The following COMMD1 variants were observed in gnomAD, a reference collection of about 807,000 sequenced individuals.
COMMD1 encodes the protein copper metabolism domain containing 1.
COMMD1 carries 10 observed loss-of-function variants against 17.2 expected under a neutral mutation model. The ratio of observed to expected loss-of-function variants is 0.58; its 90% confidence interval spans 0.36 to 0.99. The LOEUF (loss-of-function observed/expected upper bound fraction) is 0.99. Ranked by LOEUF, COMMD1 falls within the 50% of genes least tolerant of loss-of-function variation. COMMD1 has a pLI of 0.01. For missense variants in COMMD1, 270 were observed against 231.8 expected (o/e 1.17, Z -1.07); for synonymous variants, 97 against 91.6 (o/e 1.06, Z -0.34).
At chr2:61,967,138 A>G (rs1201847385) in intron 1 of COMMD1, among the ~76,000 whole-genome samples, 1 of 152,168 alleles carries the variant, frequency 6.6e-6, no homozygotes, top group East Asian at 1.9e-4. Context: ...CGAATATTTT[A>G]ACTTTCAAAT....
chr2:61,938,408 A>C (rs1185878456), intron 1 of COMMD1, among the ~76,000 whole-genome samples: 1 of 152,130 alleles, frequency 6.6e-6, no homozygotes, highest in Non-Finnish European at 1.5e-5. Flanking sequence ...CCAAAGGATA[A>C]GGAAAGCCCT....
At chr2:62,042,406 C>T (rs889124813) in intron 2 of COMMD1, among the ~76,000 whole-genome samples, 4 of 152,224 alleles carry the variant, frequency 2.6e-5, no homozygotes, top group South Asian at 2.1e-4. Flanking sequence ...GAAGCCCAGC[C>T]GGCTTTACCT....
chr2:62,059,968 C>T (rs1670812839), intron 2 of COMMD1, among the ~76,000 whole-genome samples: 1 of 151,868 alleles, frequency 6.6e-6, no homozygotes. Flanking sequence ...ATTTTAATTT[C>T]TCTCTTGGGT....
At chr2:62,031,601 C>T (rs1270449277) in intron 2 of COMMD1, among the ~76,000 whole-genome samples, 2 of 152,156 alleles carry the variant, frequency 1.3e-5, no homozygotes, top group Non-Finnish European at 2.9e-5. Context: ...GCCAGGGTAT[C>T]TGTCATCTTA....
intron 1 of COMMD1, 74 bp downstream of exon 1, chr2:61,905,932 G>A: frequency 1.4e-6 from 2 of 1,455,266 alleles, no homozygotes; most frequent in South Asian, 1.2e-5. Flanking sequence ...TCCCCCCCTT[G>A]CCTTCCCCTG....
intron 2 of COMMD1, chr2:62,069,796 C>T (rs1671151717): frequency 1.3e-5 from 2 of 152,172 alleles, no homozygotes; most frequent in South Asian, 4.1e-4. Context: ...AAAATTATCA[C>T]TTGTGGCTGA....
chr2:61,983,346 C>T (rs534806515), intron 1 of COMMD1, among the ~76,000 whole-genome samples: 10 of 151,150 alleles, frequency 6.6e-5, no homozygotes, highest in African/African-American at 1.5e-4. Context: ...CGTGCCACCA[C>T]GCCTGGCTAA....
At chr2:61,970,105 A>C (rs1671606441) in intron 1 of COMMD1, among the ~76,000 whole-genome samples, 1 of 151,872 alleles carries the variant, frequency 6.6e-6, no homozygotes, top group South Asian at 2.1e-4. Context: ...AAAAATACAA[A>C]AAATTAGCTG....
rs764293302 is a variant in COMMD1, at chr2:61,905,711, C to T, written c.33C>T (p.Pro11=). The part of the protein sequence containing the change: MAAGELEGGK[P]LSGLLNALAQ... ...CGGGCGAGCTTGAGGGTGGCAAACC[C>T]CTGAGCGGGCTGCTGAATGCGCTGG... The change falls in exon 1 of 3, where the codon CCC becomes CCT. Residue 11 remains proline, a synonymous_variant. Transcript: ENST00000311832. 5.0e-6 allele frequency: 8 copies of T among 1,600,896 alleles called. No individual in the cohort carries two copies. Among genetic ancestry groups the T allele is most frequent in the African/African-American group, 1.3e-5 (1 of 74,798 alleles).
intron 1 of COMMD1, among the ~76,000 whole-genome samples, chr2:61,993,891 T>C (rs2103786181): frequency 6.6e-6 from 1 of 152,330 alleles, no homozygotes; most frequent in South Asian, 2.1e-4. Flanking sequence ...ACCTGAGTTG[T>C]GACATAATAT....
intron 2 of COMMD1, among the ~76,000 whole-genome samples, chr2:62,092,508 C>T (rs1189451372): frequency 6.6e-6 from 1 of 152,086 alleles, no homozygotes; most frequent in African/African-American, 2.4e-5. Flanking sequence ...AATGTGAATC[C>T]AAGAAGTGAC....
At chr2:62,104,859 CT>C (rs1255804717) in intron 2 of COMMD1, among the ~76,000 whole-genome samples, 1 of 152,022 alleles carries the variant, frequency 6.6e-6, no homozygotes, top group East Asian at 1.9e-4. Context: ...GGCGCAGTAG[CT>C]CATGCCTGTA....
intron 2 of COMMD1, among the ~76,000 whole-genome samples, chr2:62,078,303 C>T (rs1166493961): frequency 6.8e-6 from 1 of 148,064 alleles, no homozygotes; most frequent in Non-Finnish European, 1.5e-5. Context: ...CCTGTAATCC[C>T]AGCACTTTGG....
chr2:62,035,068 A>T (rs1670003480), intron 2 of COMMD1, among the ~76,000 whole-genome samples: 1 of 152,232 alleles, frequency 6.6e-6, no homozygotes, highest in Admixed American at 6.5e-5. Flanking sequence ...TTTGATTTAG[A>T]TAAAAATTTG....
intron 2 of COMMD1, among the ~76,000 whole-genome samples, chr2:62,129,316 A>AT (rs1457009861): frequency 1.3e-5 from 2 of 152,192 alleles, no homozygotes; most frequent in Non-Finnish European, 2.9e-5. Flanking sequence ...GAGTGACACA[A>AT]TTTTTTGAGA....
At chr2:61,996,026 G>A (rs1178188492) in intron 1 of COMMD1, among the ~76,000 whole-genome samples, 2 of 152,096 alleles carry the variant, frequency 1.3e-5, no homozygotes, top group African/African-American at 2.4e-5. Flanking sequence ...TATTAAGTGT[G>A]TAAGAACACT....
At chr2:62,042,120 T>C (rs1670229697) in intron 2 of COMMD1, among the ~76,000 whole-genome samples, 1 of 152,188 alleles carries the variant, frequency 6.6e-6, no homozygotes, top group Admixed American at 6.5e-5. Context: ...TTGGTCTGTT[T>C]GACAGAGCGC....
At chr2:62,085,849 C>G (rs567328280) in intron 2 of COMMD1, among the ~76,000 whole-genome samples, 1 of 151,936 alleles carries the variant, frequency 6.6e-6, no homozygotes. Context: ...GGCATGGTGG[C>G]GGGCGCCTGT....
intron 1 of COMMD1, among the ~76,000 whole-genome samples, chr2:61,933,826 T>G (rs2103617070): frequency 6.6e-6 from 1 of 151,538 alleles, no homozygotes. Flanking sequence ...TGCAATGGTG[T>G]GATCTTGGCT....
Sources: gnomAD v4.1 joint callset for allele counts (sites outside exome capture counted in the v4.1 genomes callset) on GRCh38, gnomAD v4.1.1 for gene constraint, MANE v1.5 for transcripts, NCBI Gene and HGNC (gene_info 2026-07-23, HGNC 2026-07-21) for gene names.